Variants in PCDHA9 observed in about 807,000 individuals in gnomAD.
PCDHA9 encodes the protein protocadherin alpha-9.
In PCDHA9, 62 loss-of-function variants were observed where a neutral mutation model predicts 62.0. The ratio of observed to expected loss-of-function variants is 1.00; its 90% CI spans 0.81 to 1.23. PCDHA9 has a LOEUF of 1.23. PCDHA9 is among the 50% of genes most tolerant of loss of function. The pLI, the probability that PCDHA9 is intolerant of heterozygous loss-of-function variation, is 0.00. For synonymous variants in PCDHA9, 557 were observed against 567.6 expected, an observed-to-expected ratio of 0.98 and a Z score of 0.27; for missense variants, 1,205 against 1,249.8, an observed-to-expected ratio of 0.96 and a Z score of 0.54.
chr5:140,929,528 T>C, intron 1 of PCDHA9: 1 of 693,446 alleles, frequency 1.4e-6, no homozygotes, highest in African/African-American at 1.9e-5. Context: ...TAGTTTATTT[T>C]TGAGAAACAA....
chr5:140,862,675 G>C, intron 1 of PCDHA9: 1 of 550,422 alleles, frequency 1.8e-6, no homozygotes, highest in Non-Finnish European at 3.6e-6. Context: ...GCAGGAGAAC[G>C]TGCTGGTGTC....
At chr5:140,875,590 A>G (rs1554167782) in intron 1 of PCDHA9, 4 of 1,613,992 alleles carry the variant, frequency 2.5e-6, no homozygotes, top group Non-Finnish European at 3.4e-6. Flanking sequence ...CGAGGAGGCC[A>G]AACACGGCAC....
chr5:140,984,982 G>A lies in PCDHA9; in HGVS notation c.2542+2419G>A, dbSNP rs544151858. On this transcript the variant is annotated intron_variant, in intron 3 of 3. Coordinates refer to ENST00000532602, the MANE Select transcript of PCDHA9 (RefSeq NM_031857.2). ...AGACAGAGTCTCGCTCTGTCCCCCA[G>A]GCTGGAGTCCAGTGGCACGATATCG... Among the ~76,000 whole-genome samples the A allele has an allele frequency of 1.1e-3, 174 of 152,116 alleles. 2 individuals are homozygous for A. In the South Asian group the frequency reaches 0.016, roughly 14 times the overall value.
At chr5:140,992,187 G>C (rs1395618041) in intron 3 of PCDHA9, among the ~76,000 whole-genome samples, 1 of 152,118 alleles carries the variant, frequency 6.6e-6, no homozygotes, top group Non-Finnish European at 1.5e-5. Flanking sequence ...CATGCTTTCA[G>C]TGATCTATCC....
intron 1 of PCDHA9, chr5:140,969,445 A>G (rs2096331821): frequency 1.9e-6 from 3 of 1,542,150 alleles, no homozygotes; most frequent in Non-Finnish European, 2.6e-6. Context: ...TATCTGGTAA[A>G]CTGAGTATAT....
At chr5:140,926,908 G>C (rs950305439) in intron 1 of PCDHA9, 2 of 1,560,316 alleles carry the variant, frequency 1.3e-6, no homozygotes, top group Admixed American at 1.8e-5. Flanking sequence ...GGGCTGTGGG[G>C]TGGCAGTTTT....
intron 1 of PCDHA9, chr5:140,967,329 G>A: frequency 6.2e-7 from 1 of 1,608,212 alleles, no homozygotes; most frequent in Non-Finnish European, 8.5e-7. Flanking sequence ...TACGAGCTCA[G>A]CCCCAGCGAG....
chr5:140,883,569 C>T (rs781786717), intron 1 of PCDHA9: 3 of 1,614,134 alleles, frequency 1.9e-6, no homozygotes, highest in Non-Finnish European at 2.5e-6. Flanking sequence ...GGCTCGCCTT[C>T]GCTGTGGGCC....
In PCDHA9 at chr5:140,848,923, C is replaced by A. The variant is rs2150425002; in HGVS notation, c.428C>A (p.Ala143Glu). ...FPATQKNLFI[A>E]ESRPLDSRFP... ...GCGACACAAAAGAATCTGTTCATCG[C>A]GGAATCCAGGCCGCTTGACTCTCGG... Residue 143 changes from alanine (A) to glutamate (E), a missense_variant, in exon 1 of 4, where the codon GCG (alanine) becomes GAG (glutamate). By Grantham distance (107) the Ala-to-Glu change is moderately radical (BLOSUM62 -1). This residue lies in a region of PCDHA9 where 208 missense variants were observed against 213.2 expected (regional missense o/e 0.98). Transcript: ENST00000532602. 1 of 1,607,740 alleles carries A rather than the reference C, an allele frequency of 6.2e-7. No homozygotes were observed. The highest frequency in any genetic ancestry group is 8.5e-7 in the Non-Finnish European group (1 of 1,176,926).
intron 3 of PCDHA9, among the ~76,000 whole-genome samples, chr5:140,997,912 A>T (rs2097790316): frequency 1.3e-5 from 2 of 152,224 alleles, no homozygotes. Context: ...GTAGAATTAC[A>T]GAATCATAGG....
At chr5:140,871,350 C>G (rs782168219) in intron 1 of PCDHA9, 1 of 1,614,194 alleles carries the variant, frequency 6.2e-7, no homozygotes, top group East Asian at 2.2e-5. Context: ...GCTGGTCATA[C>G]TCGCAGCAGA....
rs114181547 is a variant in PCDHA9, at chr5:140,916,746, T to C, written c.2395-62203T>C. Among the ~76,000 whole-genome samples, 1,217 of 152,314 alleles carry C rather than the reference T, an allele frequency of 8.0e-3. 6 individuals carry two copies. Among genetic ancestry groups the C allele is most frequent in the African/African-American group, 0.019 (786 of 41,576 alleles). ...TTTTGTTGCTGCAAGCTTCACTGCC[T>C]GGGATTAGGGGAGGGGTGGCACAAG... On this transcript the variant is annotated intron_variant, in intron 1 of 3. Coordinates refer to ENST00000532602, the MANE Select transcript of PCDHA9 (RefSeq NM_031857.2).
At chr5:140,929,391 A>T (rs1563116530) in intron 1 of PCDHA9, 3 of 1,511,404 alleles carry the variant, frequency 2.0e-6, no homozygotes, top group Non-Finnish European at 2.7e-6. Context: ...GTTTTGAAAT[A>T]TTTCTTAGAC....
At chr5:140,866,798 C>T (rs900250117) in intron 1 of PCDHA9, 1 of 152,110 alleles carries the variant, frequency 6.6e-6, no homozygotes, top group Non-Finnish European at 1.5e-5. Context: ...TAGTAAAAGT[C>T]AGGCACAAAG....
intron 1 of PCDHA9, among the ~76,000 whole-genome samples, chr5:140,898,033 G>T (rs1293808474): frequency 2.6e-5 from 4 of 152,032 alleles, no homozygotes; most frequent in African/African-American, 9.7e-5. Flanking sequence ...TTTTGATGGG[G>T]TTGTTTGTTT....
intron 1 of PCDHA9, among the ~76,000 whole-genome samples, chr5:140,909,474 C>G (rs1554193804): frequency 6.6e-6 from 1 of 152,182 alleles, no homozygotes; most frequent in African/African-American, 2.4e-5. Context: ...TCTTCACAGG[C>G]TAAATAGGAG....
At chr5:140,856,401 T>C (rs782164641) in intron 1 of PCDHA9, 20 of 1,598,386 alleles carry the variant, frequency 1.3e-5, no homozygotes, top group Non-Finnish European at 4.3e-6. Context: ...GTTTTCCATG[T>C]GGACGTGGAA....
At chr5:140,872,114 AG>A (rs1261193633) in intron 1 of PCDHA9, among the ~76,000 whole-genome samples, 1 of 151,936 alleles carries the variant, frequency 6.6e-6, no homozygotes, top group African/African-American at 2.4e-5. Context: ...TCCTAACTTC[AG>A]GCTTGTATCA....
chr5:141,000,393 CTCTATATA>C (rs1486021873), intron 3 of PCDHA9, among the ~76,000 whole-genome samples: 100 of 52,828 alleles, frequency 1.9e-3, no homozygotes, highest in Middle Eastern at 0.012. Context: ...CTCTCTCTCT[CTCTATATA>C]TATATATATA....
Sources: gnomAD v4.1 joint callset for allele counts (sites outside exome capture counted in the v4.1 genomes callset) on GRCh38, gnomAD v4.1.1 for gene constraint, gnomAD v4.1.1 regional missense constraint, MANE v1.5 for transcripts, NCBI Gene and HGNC (gene_info 2026-07-23, HGNC 2026-07-21) for gene names.